Variants in BEND4 observed in about 807,000 individuals in gnomAD.
BEND4 encodes BEN domain containing 4.
BEND4 carries 27 observed loss-of-function variants against 54.7 expected under a neutral mutation model. The ratio of observed to expected loss-of-function variants is 0.49; its 90% CI spans 0.36 to 0.68. The LOEUF (loss-of-function observed/expected upper bound fraction) is 0.68. BEND4 is among the 30% of genes least tolerant of loss of function. The pLI is 0.00. For synonymous variants in BEND4, 327 were observed against 299.5 expected (o/e 1.09, Z -0.95); for missense variants, 702 against 697.2 (o/e 1.01, Z -0.08).
At chr4:42,148,060 C>T (rs1472634004) in intron 2 of BEND4, among the ~76,000 whole-genome samples, 1 of 152,020 alleles carries the variant, frequency 6.6e-6, no homozygotes, top group Non-Finnish European at 1.5e-5. Context: ...TTTTTAGTGA[C>T]CTACTATCAT....
chr4:42,144,892 A>T (rs1259318431), intron 2 of BEND4, among the ~76,000 whole-genome samples: 1 of 152,234 alleles, frequency 6.6e-6, no homozygotes, highest in Non-Finnish European at 1.5e-5. Flanking sequence ...CCCCAAATAT[A>T]AATGTCACAG....
At chr4:42,150,613 T>C (rs1018433920) in intron 2 of BEND4, among the ~76,000 whole-genome samples, 1 of 152,214 alleles carries the variant, frequency 6.6e-6, no homozygotes, top group Non-Finnish European at 1.5e-5. Flanking sequence ...TGGCAGGAAC[T>C]TTTAGTTCTA....
chr4:42,120,427 C>A (rs1340661537), intron 4 of BEND4, 133 bp from the exon 5 acceptor site: 4 of 1,123,704 alleles, frequency 3.6e-6, no homozygotes, highest in East Asian at 2.4e-5. Context: ...TATTGAAGTG[C>A]GCAAATAATT....
At chr4:42,142,756 T>C (rs1241143333) in intron 3 of BEND4, among the ~76,000 whole-genome samples, 1 of 151,700 alleles carries the variant, frequency 6.6e-6, no homozygotes, top group Admixed American at 6.6e-5. Flanking sequence ...ATCTAGTGTC[T>C]CTAACAGGCA....
At chr4:42,140,911 G>A (rs368543156) in intron 3 of BEND4, among the ~76,000 whole-genome samples, 8 of 152,134 alleles carry the variant, frequency 5.3e-5, no homozygotes, top group African/African-American at 9.7e-5. Flanking sequence ...TGATCTCTAC[G>A]ACACGATTTT....
At chr4:42,142,671 C>A (rs1560583062) in intron 3 of BEND4, among the ~76,000 whole-genome samples, 1 of 147,588 alleles carries the variant, frequency 6.8e-6, no homozygotes, top group Non-Finnish European at 1.5e-5. Flanking sequence ...CAGTACCTTA[C>A]CAGTTTAAAA....
At position 42,152,324 on chromosome 4, in the gene BEND4, C is replaced by G. The variant is rs967712427; in HGVS notation, c.-181G>C. 3 of 445,082 alleles carry G rather than the reference C, an allele frequency of 6.7e-6. No homozygotes were observed. The highest frequency in any genetic ancestry group is 1.1e-5 in the Non-Finnish European group (3 of 283,020). 27.6% of individuals were successfully genotyped at this position (445,082 alleles called of 1,614,324 possible). A position where few individuals can be genotyped will look rare whatever the true frequency, so the allele number is the denominator to read the frequency against. ...GCTGAGGCTGGCATCGCCGAGCCCC[C>G]GCGCGGGGGGCTGCCGCCCGAGCTC... On this transcript the variant is annotated 5_prime_UTR_variant, in exon 2 of 6. Coordinates refer to ENST00000502486, the MANE Select transcript of BEND4 (RefSeq NM_207406.4).
At chr4:42,145,889 A>G (rs1475157175) in intron 2 of BEND4, among the ~76,000 whole-genome samples, 2 of 152,108 alleles carry the variant, frequency 1.3e-5, no homozygotes, top group Non-Finnish European at 2.9e-5. Context: ...CTTGAGAAAT[A>G]GTTACTGAAC....
chr4:42,116,782 T>C lies in BEND4; in HGVS notation c.*736A>G, dbSNP rs2153144225. 6.6e-6 allele frequency: 1 copy of C among 152,366 alleles called. No individual in the cohort carries two copies. Among genetic ancestry groups the C allele is most frequent in the Non-Finnish European group, 1.5e-5 (1 of 68,030 alleles). The allele number at this position is 152,366 out of a possible 1,614,324, so 9.4% of individuals were successfully genotyped here. A position where few individuals can be genotyped will look rare whatever the true frequency, so the allele number is the denominator to read the frequency against. ...TAAGGCTATGGAAACTGCGGATTTA[T>C]TAACCTACAAAACTGAGCATTTGAA... On this transcript the variant is annotated 3_prime_UTR_variant, in exon 6 of 6. Transcript: ENST00000502486.
intron 2 of BEND4, among the ~76,000 whole-genome samples, chr4:42,146,459 C>T (rs967604297): frequency 1.3e-5 from 2 of 152,230 alleles, no homozygotes; most frequent in African/African-American, 2.4e-5. Flanking sequence ...CTGTGAGGCA[C>T]TATTTGTACT....
intron 5 of BEND4, among the ~76,000 whole-genome samples, chr4:42,119,183 C>T (rs1319928100): frequency 6.6e-6 from 1 of 152,052 alleles, no homozygotes; most frequent in Non-Finnish European, 1.5e-5. Flanking sequence ...TTTCCAATAA[C>T]TAGGGCCTTA....
chr4:42,123,696 A>AAAAAAAAAAC (rs1560575985), intron 4 of BEND4, among the ~76,000 whole-genome samples: 67 of 113,090 alleles, frequency 5.9e-4, no homozygotes, highest in South Asian at 1.4e-3. Flanking sequence ...GTAATTCAGA[A>AAAAAAAAAAC]AAAAAAAAAA....
rs1719599099 is a variant in BEND4, at chr4:42,112,168, A to T, written c.*5350T>A. The T allele has an allele frequency of 6.6e-6, 1 of 152,196 alleles. No homozygotes were observed. Among genetic ancestry groups the T allele is most frequent in the Admixed American group, 6.5e-5 (1 of 15,284 alleles). The allele number at this position is 152,196 out of a possible 1,614,324, so 9.4% of individuals were successfully genotyped here. A position where few individuals can be genotyped will look rare whatever the true frequency, so the allele number is the denominator to read the frequency against. Reference sequence around the variant, plus strand: ...ACTACTGAGGAAGACTGAACTCGTCATTCTGCTTCCTATGCCCAAAGCAAT... The same window carrying T: ...ACTACTGAGGAAGACTGAACTCGTCTTTCTGCTTCCTATGCCCAAAGCAAT... On this transcript the variant is annotated 3_prime_UTR_variant, in exon 6 of 6. Coordinates refer to ENST00000502486, the MANE Select transcript of BEND4 (RefSeq NM_207406.4).
intron 2 of BEND4, chr4:42,151,386 C>A (rs1027380428): frequency 2.5e-5 from 7 of 280,010 alleles, no homozygotes; most frequent in Non-Finnish European, 4.6e-5. Context: ...CCCGAGCGAT[C>A]CTGGTCGCCG....
At chr4:42,142,256 G>A (rs940416142) in intron 3 of BEND4, among the ~76,000 whole-genome samples, 1 of 151,430 alleles carries the variant, frequency 6.6e-6, no homozygotes, top group Non-Finnish European at 1.5e-5. Context: ...AAGGTTTGAA[G>A]AGATTGTTCC....
chr4:42,116,633 A>C lies in BEND4; in HGVS notation c.*885T>G, dbSNP rs1030889575. ...GTGTGTATACAATGCCAGAACATCT[A>C]GTCAATTCAGCGAATACCATCAGTC... is the stretch of plus-strand genomic sequence containing the variant. On this transcript the variant is annotated 3_prime_UTR_variant, in exon 6 of 6. Transcript: ENST00000502486. 6.6e-6 allele frequency: 1 copy of C among 152,234 alleles called. No homozygotes were observed. Among genetic ancestry groups the C allele is most frequent in the Non-Finnish European group, 1.5e-5 (1 of 68,040 alleles). The allele number at this position is 152,234 out of a possible 1,614,324, so 9.4% of individuals were successfully genotyped here.
In BEND4 at chr4:42,117,313, T is replaced by C. The variant is rs890487860; in HGVS notation, c.*205A>G. ...AATCAGATGTAGTTTTTTCTTTTTA[T>C]AATATAATATTCCAAAAGTCTGTTG... On this transcript the variant is annotated 3_prime_UTR_variant, in exon 6 of 6. Coordinates refer to ENST00000502486, the MANE Select transcript of BEND4 (RefSeq NM_207406.4). 4.1e-6 allele frequency: 2 copies of C among 487,974 alleles called. No individual in the cohort carries two copies. Among genetic ancestry groups the C allele is most frequent in the Admixed American group, 3.8e-5 (1 of 26,082 alleles). The allele number at this position is 487,974 out of a possible 1,614,324, so 30.2% of individuals were successfully genotyped here.
Position 42,113,027 on chromosome 4 carries a change from T to G in BEND4, c.*4491A>C, listed in dbSNP as rs1422924261. 1 of 152,214 alleles carries G rather than the reference T, an allele frequency of 6.6e-6. No homozygotes were observed. Among genetic ancestry groups the G allele is most frequent in the East Asian group, 1.9e-4 (1 of 5,202 alleles). The allele number at this position is 152,214 out of a possible 1,614,324, so 9.4% of individuals were successfully genotyped here. The stretch of plus-strand genomic sequence containing the variant: ...CTATGTTTACAAAAATACATCATAA[T>G]GATACATACTGCTGTTTAGACACAT... On this transcript the variant is annotated 3_prime_UTR_variant, in exon 6 of 6. Coordinates refer to ENST00000502486, the MANE Select transcript of BEND4 (RefSeq NM_207406.4).
intron 2 of BEND4, chr4:42,144,212 G>T: frequency 1.7e-6 from 1 of 591,732 alleles, no homozygotes; most frequent in South Asian, 2.0e-5. Context: ...GCAGTCTCTT[G>T]CTCTAGGAAA....
Sources: allele counts gnomAD v4.1 joint callset (sites outside exome capture counted in the v4.1 genomes callset), GRCh38; gene constraint gnomAD v4.1.1; transcripts MANE v1.5; gene names NCBI Gene and HGNC (gene_info 2026-07-23, HGNC 2026-07-21).